Variants in DIP2C observed in about 807,000 individuals in gnomAD.
DIP2C encodes DIP2 acetate--CoA ligase C (putative).
A neutral mutation model predicts 192.4 loss-of-function variants in DIP2C; 33 were observed. The ratio of observed to expected loss-of-function variants is 0.17; its 90% CI spans 0.13 to 0.23. DIP2C has a LOEUF of 0.23. Among genes scored for constraint, DIP2C ranks in the 10% least tolerant of loss-of-function variants. The pLI, the probability that DIP2C is intolerant of heterozygous loss-of-function variation, is 1.00. For synonymous variants in DIP2C, 979 were observed against 864.1 expected (o/e 1.13, Z -2.33); for missense variants, 1,537 against 2,110.1 (o/e 0.73, Z 5.32).
At chr10:557,730 G>A (rs1459297008) in intron 1 of DIP2C, among the ~76,000 whole-genome samples, 46 of 51,224 alleles carry the variant, frequency 9.0e-4, no homozygotes, top group African/African-American at 4.5e-3. Context: ...GGCAGGGGAG[G>A]GGAAGGGGGA....
chr10:333,451 A>G (rs1040812192), intron 29 of DIP2C, among the ~76,000 whole-genome samples: 1 of 152,172 alleles, frequency 6.6e-6, no homozygotes, highest in African/African-American at 2.4e-5. Flanking sequence ...CCTACCACAC[A>G]GCCACACTTC....
intron 4 of DIP2C, among the ~76,000 whole-genome samples, chr10:436,206 CCA>C (rs1967180857): frequency 6.6e-6 from 1 of 152,194 alleles, no homozygotes; most frequent in African/African-American, 2.4e-5. Context: ...TTTTTCTTGA[CCA>C]CAGATTCTAC....
At chr10:536,604 A>C (rs1490125307) in intron 1 of DIP2C, among the ~76,000 whole-genome samples, 1 of 152,220 alleles carries the variant, frequency 6.6e-6, no homozygotes, top group African/African-American at 2.4e-5. Context: ...GACACAATTT[A>C]ATACCAGGAG....
intron 24 of DIP2C, among the ~76,000 whole-genome samples, chr10:352,989 GCAA>G (rs1436168845): frequency 6.6e-6 from 1 of 152,132 alleles, no homozygotes; most frequent in Non-Finnish European, 1.5e-5. Context: ...GTCCCATAAA[GCAA>G]CAACCATTCA....
intron 1 of DIP2C, among the ~76,000 whole-genome samples, chr10:576,164 G>A (rs1850139519): frequency 6.6e-6 from 1 of 152,244 alleles, no homozygotes; most frequent in Admixed American, 6.5e-5. Flanking sequence ...GCACCAAGCA[G>A]AATGTCACAT....
intron 30 of DIP2C, among the ~76,000 whole-genome samples, chr10:328,082 C>T (rs1043944785): frequency 7.2e-5 from 11 of 152,142 alleles, no homozygotes; most frequent in Non-Finnish European, 1.3e-4. Flanking sequence ...TCAGGCCCTG[C>T]GAACCCTTTC....
At chr10:475,032 C>A (rs893307420) in intron 2 of DIP2C, among the ~76,000 whole-genome samples, 1 of 152,184 alleles carries the variant, frequency 6.6e-6, no homozygotes, top group Non-Finnish European at 1.5e-5. Flanking sequence ...GGGGCTGTTT[C>A]GTTTGCCCGA....
chr10:490,354 G>A (rs1474665749), intron 1 of DIP2C, among the ~76,000 whole-genome samples: 1 of 152,256 alleles, frequency 6.6e-6, no homozygotes, highest in African/African-American at 2.4e-5. Context: ...CTCCGAAAGA[G>A]GGCACATCCT....
rs2132104361 is a variant in DIP2C, at chr10:276,020, G to A, written c.*1305C>T. Reference sequence around the variant, plus strand: ...CCACTCCACATTGGCCATCAGAGGGGGAATCAATGCAACCCAGTGCGAATG... The same window carrying A: ...CCACTCCACATTGGCCATCAGAGGGAGAATCAATGCAACCCAGTGCGAATG... On this transcript the variant is annotated 3_prime_UTR_variant, in exon 37 of 37. Transcript: ENST00000280886. The A allele has an allele frequency of 6.6e-6, 1 of 152,306 alleles. No homozygotes were observed. Among genetic ancestry groups the A allele is most frequent in the African/African-American group, 2.4e-5 (1 of 41,548 alleles). 9.4% of individuals were successfully genotyped at this position (152,306 alleles called of 1,614,324 possible). A position where few individuals can be genotyped will look rare whatever the true frequency, so the allele number is the denominator to read the frequency against.
chr10:406,197 A>G (rs1308483264), intron 9 of DIP2C, among the ~76,000 whole-genome samples: 1 of 152,250 alleles, frequency 6.6e-6, no homozygotes, highest in Non-Finnish European at 1.5e-5. Context: ...CATTACAGAT[A>G]AAGGAGCTAT....
intron 1 of DIP2C, among the ~76,000 whole-genome samples, chr10:498,745 C>A (rs1398916441): frequency 6.6e-6 from 1 of 152,196 alleles, no homozygotes; most frequent in Admixed American, 6.5e-5. Context: ...TCAGCTCCAG[C>A]ACACCTCAGG....
intron 28 of DIP2C, among the ~76,000 whole-genome samples, chr10:344,388 C>A (rs1159963042): frequency 7.8e-4 from 1 of 1,288 alleles, no homozygotes; most frequent in African/African-American, 7.4e-3. Flanking sequence ...AAGGGTGGGG[C>A]GGGGGCGGGG....
chr10:629,544 C>G (rs1448147859), intron 1 of DIP2C, among the ~76,000 whole-genome samples: 2 of 152,250 alleles, frequency 1.3e-5, no homozygotes, highest in Non-Finnish European at 2.9e-5. Context: ...GAAGCCCTCA[C>G]TCTCAGAGTG....
At chr10:583,416 C>G (rs1041441137) in intron 1 of DIP2C, among the ~76,000 whole-genome samples, 1 of 152,238 alleles carries the variant, frequency 6.6e-6, no homozygotes, top group Admixed American at 6.5e-5. Flanking sequence ...CATTATCCTA[C>G]ATAAGGTCCT....
chr10:484,114 T>G (rs1020310122), intron 2 of DIP2C, among the ~76,000 whole-genome samples: 2 of 152,072 alleles, frequency 1.3e-5, no homozygotes, highest in African/African-American at 4.8e-5. Context: ...CGGCCTTGTA[T>G]GTGATTTTAA....
At position 348,809 on chromosome 10, in the gene DIP2C, A is replaced by T. The variant is rs964518364; in HGVS notation, c.3110-47T>A. The T allele has an allele frequency of 7.5e-6, 12 of 1,605,472 alleles. No individual in the cohort carries two copies. The Admixed American group carries it at 1.6e-4, about 21-fold the overall frequency. On this transcript the variant is annotated intron_variant, in intron 25 of 36. Transcript: ENST00000280886. The stretch of plus-strand genomic sequence containing the variant: ...ATCATTGAAGCAGACCACGCTGCTG[A>T]GTGCACACTCTCCCTGTCAGCATCA...
At chr10:648,733 C>T (rs900619860) in intron 1 of DIP2C, among the ~76,000 whole-genome samples, 4 of 148,636 alleles carry the variant, frequency 2.7e-5, no homozygotes, top group Non-Finnish European at 6.0e-5. Flanking sequence ...ACTGAGTCCA[C>T]GTCCACAGTG....
At position 316,979 on chromosome 10, in the gene DIP2C, C is replaced by T. The variant is rs185262419; in HGVS notation, c.3925-6887G>A. On this transcript the variant is annotated intron_variant, in intron 31 of 36. Transcript: ENST00000280886. ...TCAGCTCTCTGATGGATCTTAGAAA[C>T]GATGAGTCTGTGTATTAACCAGATT... Among the ~76,000 whole-genome samples the T allele has an allele frequency of 5.3e-4, 81 of 152,230 alleles. 1 individual carries two copies. In the South Asian group the frequency reaches 9.3e-3, roughly 18 times the overall value.
At chr10:566,957 G>T (rs1346354884) in intron 1 of DIP2C, among the ~76,000 whole-genome samples, 1 of 152,240 alleles carries the variant, frequency 6.6e-6, no homozygotes, top group Non-Finnish European at 1.5e-5. Context: ...CAGAACTGAT[G>T]TTCCGGTGGC....
Sources: allele counts gnomAD v4.1 joint callset (sites outside exome capture counted in the v4.1 genomes callset), GRCh38; gene constraint gnomAD v4.1.1; transcripts MANE v1.5; gene names NCBI Gene and HGNC (gene_info 2026-07-23, HGNC 2026-07-21).